The following ALDH3A2 variants were observed in gnomAD, a reference collection of about 807,000 sequenced individuals.
The protein encoded by ALDH3A2 is aldehyde dehydrogenase 3 family member A2.
A neutral mutation model predicts 51.3 loss-of-function variants in ALDH3A2; 36 were observed. That is an observed-to-expected ratio of 0.70 (90% CI 0.54 to 0.93). The LOEUF is 0.93. Among genes scored for constraint, ALDH3A2 ranks in the 40% least tolerant of loss-of-function variants. The probability of loss-of-function intolerance (pLI) is 0.00; values close to 1 mark genes in which losing one functional copy is unlikely to be tolerated. For missense variants in ALDH3A2, 552 were observed against 603.1 expected, an observed-to-expected ratio of 0.92 and a Z score of 0.89; for synonymous variants, 199 against 219.8, an observed-to-expected ratio of 0.91 and a Z score of 0.84.
At chr17:19,673,732 G>A (rs899280437) in intron 9 of ALDH3A2, among the ~76,000 whole-genome samples, 4 of 152,036 alleles carry the variant, frequency 2.6e-5, no homozygotes, top group Non-Finnish European at 1.5e-5. Context: ...AAAAAAGAAA[G>A]AAAAAAGAAT....
rs919085773 is a variant in ALDH3A2 at position 19,651,607 on chromosome 17, C to T, written c.214C>T (p.Leu72Phe). The T allele has an allele frequency of 2.5e-6, 4 of 1,614,148 alleles. No homozygotes were observed. The highest frequency in any genetic ancestry group is 3.4e-6 in the Non-Finnish European group (4 of 1,180,024). ...ITVLGEIDFM[L>F]ENLPEWVTAK... ...TGTCCTTGGGGAAATTGATTTTATG[C>T]TTGAGAATCTTCCTGAATGGGTTAC... is the stretch of plus-strand genomic sequence containing the variant. The change falls in exon 2 of 10, where the codon CTT (leucine) becomes TTT (phenylalanine). Residue 72 changes from leucine (L) to phenylalanine (F), a missense_variant. By Grantham distance (22) the Leu-to-Phe change is conservative. Transcript: ENST00000176643.
chr17:19,665,002 G>A lies in ALDH3A2; in HGVS notation c.1162G>A (p.Val388Ile), dbSNP rs767493216. ...TSSGGVTGND[V>I]IMHFTLNSFP... ...CAGTGGAGGTGTCACAGGCAATGAC[G>A]TCATTATGCACTTCACGCTCAACTC... The change falls in exon 8 of 10, where the codon GTC (valine) becomes ATC (isoleucine). Residue 388 changes from valine (V) to isoleucine (I), a missense_variant. Val to Ile is a conservative substitution (Grantham distance 29, BLOSUM62 3). Transcript: ENST00000176643. 28 of 1,613,924 alleles carry A rather than the reference G, an allele frequency of 1.7e-5. No individual in the cohort carries two copies. The highest frequency in any genetic ancestry group is 1.6e-4 in the Middle Eastern group (1 of 6,068).
At chr17:19,673,521 C>T (rs2085148806) in intron 9 of ALDH3A2, among the ~76,000 whole-genome samples, 1 of 151,974 alleles carries the variant, frequency 6.6e-6, no homozygotes, top group African/African-American at 2.4e-5. Context: ...AGTTCGAGAA[C>T]AGCCTGGCCA....
chr17:19,662,997 C>A (rs767992315), intron 6 of ALDH3A2, among the ~76,000 whole-genome samples: 1 of 151,990 alleles, frequency 6.6e-6, no homozygotes, highest in Non-Finnish European at 1.5e-5. Flanking sequence ...AAGGGCGAAA[C>A]TCCATCTCAA....
At chr17:19,656,312 T>TA (rs2084895211) in intron 3 of ALDH3A2, 54 bp from the exon 4 acceptor site, 1 of 1,440,894 alleles carries the variant, frequency 6.9e-7, no homozygotes, top group East Asian at 2.3e-5. Context: ...TTGCTGATGT[T>TA]AGACGTTAGG....
intron 3 of ALDH3A2, 74 bp downstream of exon 3, chr17:19,652,706 C>T: frequency 7.8e-7 from 1 of 1,279,390 alleles, no homozygotes; most frequent in Non-Finnish European, 1.1e-6. Context: ...CTTGCTATTG[C>T]ATGTTATTGC....
At chr17:19,670,270 C>CT (rs779026683) in intron 8 of ALDH3A2, among the ~76,000 whole-genome samples, 3 of 152,174 alleles carry the variant, frequency 2.0e-5, no homozygotes, top group Non-Finnish European at 2.9e-5. Context: ...GAATTTATAT[C>CT]TTTAAAATGT....
intron 9 of ALDH3A2, chr17:19,675,296 CA>C: frequency 4.2e-6 from 2 of 471,528 alleles, no homozygotes; most frequent in Non-Finnish European, 7.5e-6. Flanking sequence ...AGCTAGTTGA[CA>C]GTGGACAGAA....
At chr17:19,669,695 T>C (rs1318582647) in intron 8 of ALDH3A2, among the ~76,000 whole-genome samples, 4 of 152,094 alleles carry the variant, frequency 2.6e-5, no homozygotes, top group Non-Finnish European at 5.9e-5. Flanking sequence ...AGTACAGTGG[T>C]GCAATCACGG....
chr17:19,652,109 C>A (rs760061639), intron 2 of ALDH3A2, among the ~76,000 whole-genome samples: 4 of 152,320 alleles, frequency 2.6e-5, no homozygotes, highest in Middle Eastern at 6.8e-3. Flanking sequence ...CCATTTGATT[C>A]TGTCTGACCA....
rs2084769929 is a variant in ALDH3A2, at chr17:19,648,791, G to C, written c.-181G>C. The C allele has an allele frequency of 2.5e-6, 2 of 794,738 alleles. No homozygotes were observed. Among genetic ancestry groups the C allele is most frequent in the South Asian group, 1.7e-5 (1 of 57,808 alleles). 49.2% of individuals were successfully genotyped at this position (794,738 alleles called of 1,614,324 possible). A position where few individuals can be genotyped will look rare whatever the true frequency, so the allele number is the denominator to read the frequency against. ...CCTCCGACTGGCAGTGGGACTCAGC[G>C]GGCGTGGAGGTCGCGGCTGAGCGAG... On this transcript the variant is annotated 5_prime_UTR_variant, in exon 1 of 10. Transcript: ENST00000176643.
chr17:19,657,748 C>T lies in ALDH3A2; in HGVS notation c.684C>T (p.Arg228=), dbSNP rs759501619. 1.9e-6 allele frequency: 3 copies of T among 1,607,594 alleles called. No homozygotes were observed. Among genetic ancestry groups the T allele is most frequent in the South Asian group, 1.1e-5 (1 of 90,958 alleles). The change falls in exon 5 of 10, where the codon CGC becomes CGT. Residue 228 remains arginine, a synonymous_variant. Coordinates refer to ENST00000176643, the MANE Select transcript of ALDH3A2 (RefSeq NM_000382.3). ...GTTCTGGATGTTTTCCCCTCAGACG[C>T]ATAACCTGGGGAAAATACATGAATT... The part of the protein sequence containing the change: ...KDCDLDIVCR[R]ITWGKYMNCG...
Position 19,654,240 on chromosome 17 carries a change from G to A in ALDH3A2, c.471+1608G>A, listed in dbSNP as rs1171985606. On this transcript the variant is annotated intron_variant, in intron 3 of 9. Coordinates refer to ENST00000176643, the MANE Select transcript of ALDH3A2 (RefSeq NM_000382.3). This position sits in a 1 kb window ranked among gnomAD's most constrained non-coding sequence, Gnocchi z 4.5. ...AGTCCCCACCCGACTCAGGAGCCCA[G>A]CTGGCTTTGCCTAGTGGATCCCACG... Among the ~76,000 whole-genome samples, 2 of 152,274 alleles carry A rather than the reference G, an allele frequency of 1.3e-5. No individual in the cohort carries two copies. The highest frequency in any genetic ancestry group is 4.8e-5 in the African/African-American group (2 of 41,484).
At chr17:19,663,168 A>G (rs1014671925) in intron 6 of ALDH3A2, among the ~76,000 whole-genome samples, 165 bp from the exon 7 acceptor site, 3 of 152,222 alleles carry the variant, frequency 2.0e-5, no homozygotes, top group Admixed American at 6.5e-5. Context: ...CTTTGGAGAC[A>G]TTGAGTATGT....
chr17:19,648,794 C>G lies in ALDH3A2; in HGVS notation c.-178C>G. ...CCGACTGGCAGTGGGACTCAGCGGG[C>G]GTGGAGGTCGCGGCTGAGCGAGCGA... On this transcript the variant is annotated 5_prime_UTR_variant, in exon 1 of 10. Transcript: ENST00000176643. 1.2e-6 allele frequency: 1 copy of G among 812,406 alleles called. No individual in the cohort carries two copies. The highest frequency in any genetic ancestry group is 1.7e-5 in the South Asian group (1 of 58,604). 50.3% of individuals were successfully genotyped at this position (812,406 alleles called of 1,614,324 possible).
At position 19,656,160 on chromosome 17, in the gene ALDH3A2, T is replaced by C. The variant is rs558763424; in HGVS notation, c.472-206T>C. 2.0e-5 allele frequency: 12 copies of C among 608,164 alleles called. No homozygotes were observed. The East Asian group carries it at 2.0e-4, about 10-fold the overall frequency. The allele number at this position is 608,164 out of a possible 1,614,324, so 37.7% of individuals were successfully genotyped here. A position where few individuals can be genotyped will look rare whatever the true frequency, so the allele number is the denominator to read the frequency against. ...AACACTGGAGTCTCCAGATTAGTTC[T>C]ATGTGGGTTCATGCTTCCCAGATGC... On this transcript the variant is annotated intron_variant, in intron 3 of 9. Coordinates refer to ENST00000176643, the MANE Select transcript of ALDH3A2 (RefSeq NM_000382.3).
chr17:19,675,741 TC>T lies in ALDH3A2; in HGVS notation c.*170del, dbSNP rs1261061228. On this transcript the variant is annotated 3_prime_UTR_variant, in exon 10 of 10. Transcript: ENST00000176643. ...TTCATCATTAATAAAAGTTGCCATT[TC>T]AACTACGTCCCAACATTCCCTAATA... is the stretch of plus-strand genomic sequence containing the variant. 1.3e-6 allele frequency: 1 copy of T among 772,882 alleles called. No homozygotes were observed. Among genetic ancestry groups the T allele is most frequent in the Non-Finnish European group, 2.2e-6 (1 of 453,966 alleles). 47.9% of individuals were successfully genotyped at this position (772,882 alleles called of 1,614,324 possible). A position where few individuals can be genotyped will look rare whatever the true frequency, so the allele number is the denominator to read the frequency against.
intron 8 of ALDH3A2, among the ~76,000 whole-genome samples, chr17:19,667,410 A>G (rs2085053437): frequency 6.6e-6 from 1 of 152,218 alleles, no homozygotes; most frequent in Non-Finnish European, 1.5e-5. Flanking sequence ...AATGTCTACA[A>G]GTGTAATTAC....
chr17:19,648,858 G>A lies in ALDH3A2; in HGVS notation c.-114G>A, dbSNP rs1361564158. On this transcript the variant is annotated 5_prime_UTR_variant, in exon 1 of 10. Transcript: ENST00000176643. ...GAATTGTGGCTGTGGGTTGACGGTG[G>A]AGACACCCCCCGGAGGGAGGCGGAG... 9 of 1,385,376 alleles carry A rather than the reference G, an allele frequency of 6.5e-6. No homozygotes were observed. Among genetic ancestry groups the A allele is most frequent in the African/African-American group, 1.4e-5 (1 of 69,936 alleles). 85.8% of individuals were successfully genotyped at this position (1,385,376 alleles called of 1,614,324 possible). A position where few individuals can be genotyped will look rare whatever the true frequency, so the allele number is the denominator to read the frequency against.
Sources: gnomAD v4.1 joint callset for allele counts (sites outside exome capture counted in the v4.1 genomes callset) on GRCh38, gnomAD v4.1.1 for gene constraint, Gnocchi (gnomAD v3.1) non-coding constraint, MANE v1.5 for transcripts, NCBI Gene and HGNC (gene_info 2026-07-23, HGNC 2026-07-21) for gene names.